The following SPRY3 variants were observed in gnomAD, a reference collection of about 807,000 sequenced individuals.
SPRY3 encodes protein sprouty homolog 3.
SPRY3 carries 15 observed loss-of-function variants against 20.2 expected under a neutral mutation model. The ratio of observed to expected loss-of-function variants is 0.74; its 90% CI spans 0.50 to 1.14. The LOEUF is 1.14. Ranked by LOEUF, SPRY3 falls within the 50% of genes most tolerant of loss-of-function variation. SPRY3 has a pLI of 0.00. For synonymous variants in SPRY3, 143 were observed against 136.5 expected (o/e 1.05, Z -0.33); for missense variants, 364 against 363.9 (o/e 1.00, Z 0.00).
chrX:155,736,988 A>T (rs2091174525), intron 2 of SPRY3, among the ~76,000 whole-genome samples: 1 of 152,102 alleles, frequency 6.6e-6, no homozygotes, highest in African/African-American at 2.4e-5. Context: ...GAGCCCATCA[A>T]AGACATTATG....
intron 2 of SPRY3, among the ~76,000 whole-genome samples, chrX:155,717,865 T>C (rs1048885926): frequency 5.3e-5 from 8 of 152,166 alleles, no homozygotes; most frequent in African/African-American, 1.9e-4. Flanking sequence ...TCAATAAACA[T>C]ATGTGTGCAT....
chrX:155,732,304 C>A lies in SPRY3; in HGVS notation c.-281-35658C>A, dbSNP rs1364553349. ...AAATGAGTGCTGGTAGTGAGCTGCA[C>A]TTTTCTTTTACTAAAAAGGAAAAGG... On this transcript the variant is annotated intron_variant, in intron 2 of 3. Coordinates refer to ENST00000675360, the Ensembl canonical transcript of SPRY3. Among the ~76,000 whole-genome samples, 4 of 151,954 alleles carry A rather than the reference C, an allele frequency of 2.6e-5. No homozygotes were observed. In the East Asian group the frequency reaches 7.7e-4, roughly 29 times the overall value.
intron 2 of SPRY3, among the ~76,000 whole-genome samples, chrX:155,687,178 T>C (rs1368929365): frequency 8.9e-6 from 1 of 112,784 alleles, no homozygotes; most frequent in Non-Finnish European, 1.9e-5. Flanking sequence ...GTGCAAGAAC[T>C]GAAAGGTTTT....
chrX:155,723,649 A>G (rs1295315606), intron 2 of SPRY3, among the ~76,000 whole-genome samples: 1 of 151,944 alleles, frequency 6.6e-6, no homozygotes, highest in East Asian at 1.9e-4. Context: ...TTTCTTGTAA[A>G]TTTGTTTAAG....
chrX:155,769,007 G>A (rs1358643928), intron 3 of SPRY3, among the ~76,000 whole-genome samples: 3 of 152,194 alleles, frequency 2.0e-5, no homozygotes, highest in Admixed American at 6.5e-5. Context: ...GTTATCACAT[G>A]AATTTGGATA....
At chrX:155,704,630 T>C (rs2090936495) in intron 2 of SPRY3, among the ~76,000 whole-genome samples, 1 of 151,662 alleles carries the variant, frequency 6.6e-6, no homozygotes. Context: ...CTGAGAATTT[T>C]TTTTAAATTA....
chrX:155,727,154 G>C (rs898428838), intron 2 of SPRY3, among the ~76,000 whole-genome samples: 2 of 152,124 alleles, frequency 1.3e-5, no homozygotes, highest in Non-Finnish European at 2.9e-5. Context: ...GGCTTGTAGG[G>C]TTTCTGCCAA....
chrX:155,667,206 A>G (rs1165362021), intron 2 of SPRY3, among the ~76,000 whole-genome samples: 2 of 111,181 alleles, frequency 1.8e-5, no homozygotes, highest in Non-Finnish European at 3.8e-5. Flanking sequence ...TTTTGAAAAA[A>G]TTGGCTGTGA....
chrX:155,728,406 C>T (rs2091113521), intron 2 of SPRY3, among the ~76,000 whole-genome samples: 3 of 152,230 alleles, frequency 2.0e-5, no homozygotes, highest in Admixed American at 2.0e-4. Flanking sequence ...CAGCTATGCC[C>T]TGCCCACAGA....
At chrX:155,649,355 A>G (rs928177664) in intron 1 of SPRY3, among the ~76,000 whole-genome samples, 2 of 112,047 alleles carry the variant, frequency 1.8e-5, no homozygotes, top group African/African-American at 6.5e-5. Context: ...ATGAACATCA[A>G]TGTAAAAATC....
At chrX:155,774,289 C>A (rs1041058407) in exon 4 of SPRY3, 1 of 1,614,026 alleles carries the variant, frequency 6.2e-7, no homozygotes, top group Non-Finnish European at 8.5e-7. Flanking sequence ...TGCAGGGCAC[C>A]CTAGTGAGCA....
chrX:155,695,447 C>T (rs762594113), intron 2 of SPRY3, among the ~76,000 whole-genome samples: 1 of 109,702 alleles, frequency 9.1e-6, no homozygotes, highest in South Asian at 3.9e-4. Context: ...TTATAATGTG[C>T]CTAGGAATTT....
chrX:155,693,790 T>C (rs1266855804), intron 2 of SPRY3, among the ~76,000 whole-genome samples: 2 of 112,506 alleles, frequency 1.8e-5, no homozygotes, highest in Non-Finnish European at 1.9e-5. Flanking sequence ...GTATTTTCAT[T>C]GGAATGTTTA....
intron 1 of SPRY3, among the ~76,000 whole-genome samples, chrX:155,619,368 TG>T (rs1165775202): frequency 1.8e-5 from 2 of 110,392 alleles, no homozygotes; most frequent in Non-Finnish European, 3.8e-5. Flanking sequence ...TCTGTTTTTT[TG>T]TATTTGGTTC....
chrX:155,769,495 G>A (rs1373211184), intron 3 of SPRY3, among the ~76,000 whole-genome samples: 3 of 151,926 alleles, frequency 2.0e-5, no homozygotes, highest in South Asian at 2.1e-4. Flanking sequence ...GCTACCATTA[G>A]GACTAGACCT....
chrX:155,723,227 G>A (rs766477768), intron 2 of SPRY3, among the ~76,000 whole-genome samples: 1 of 152,238 alleles, frequency 6.6e-6, no homozygotes, highest in South Asian at 2.1e-4. Context: ...ATTGTGAATA[G>A]TTCCGCAATA....
chrX:155,673,730 G>T (rs2068051240), intron 2 of SPRY3, among the ~76,000 whole-genome samples: 1 of 111,721 alleles, frequency 9.0e-6, no homozygotes, highest in Admixed American at 9.5e-5. Flanking sequence ...TTTTCAAAAG[G>T]CCCTGGAATT....
chrX:155,670,740 T>C (rs369816219), intron 2 of SPRY3, among the ~76,000 whole-genome samples: 7 of 111,903 alleles, frequency 6.3e-5, no homozygotes, highest in African/African-American at 2.3e-4. Flanking sequence ...ATCTGTGGGG[T>C]AGGCAAAGCA....
At chrX:155,617,119 C>G (rs782270638) in intron 1 of SPRY3, among the ~76,000 whole-genome samples, 1 of 105,775 alleles carries the variant, frequency 9.5e-6, no homozygotes, top group African/African-American at 3.5e-5. Context: ...CCTCCCTCTC[C>G]TCAACCTTGT....
Sources: gnomAD v4.1 joint callset for allele counts (sites outside exome capture counted in the v4.1 genomes callset) on GRCh38, gnomAD v4.1.1 for gene constraint, MANE v1.5 for transcripts, NCBI Gene and HGNC (gene_info 2026-07-23, HGNC 2026-07-21) for gene names.